The following ACACA variants were observed in gnomAD, a reference collection of about 807,000 sequenced individuals.
The protein encoded by ACACA is acetyl-CoA carboxylase 1.
In ACACA, 103 loss-of-function variants were observed where a neutral mutation model predicts 296.1. The ratio of observed to expected loss-of-function variants is 0.35; its 90% CI spans 0.30 to 0.41. ACACA has a LOEUF of 0.41. ACACA is among the 10% of genes least tolerant of loss of function. The pLI is 1.00. For synonymous variants in ACACA, 953 were observed against 1,038.6 expected (o/e 0.92, Z 1.58); for missense variants, 1,554 against 2,989.7 (o/e 0.52, Z 11.20).
chr17:37,102,065 G>A (rs898339984), intron 52 of ACACA, among the ~76,000 whole-genome samples: 2 of 152,156 alleles, frequency 1.3e-5, no homozygotes, highest in Non-Finnish European at 2.9e-5. Context: ...ACGTTACTGC[G>A]TGCTTTCCCA....
In ACACA at chr17:37,325,579, CTTTTTTTTTTTTTTT is replaced by C. The variant is rs1156553256; in HGVS notation, c.338+4579_338+4593del. On this transcript the variant is annotated intron_variant, in intron 3 of 55. Coordinates refer to ENST00000616317, the MANE Select transcript of ACACA (RefSeq NM_198834.3). ...CTTAGGGTCTTATTTTCTTTTCTTT[CTTTTTTTTTTTTTTT>C]TTTTTTTTTTGCTCTGTTGCCCAGG... Among the ~76,000 whole-genome samples the C allele has an allele frequency of 1.0e-3, 70 of 67,936 alleles. 1 individual carries two copies. The highest frequency in any genetic ancestry group is 1.4e-3 in the Non-Finnish European group (57 of 39,738). 44.6% of individuals were successfully genotyped at this position (67,936 alleles called of 152,430 possible).
intron 1 of ACACA, among the ~76,000 whole-genome samples, chr17:37,364,245 C>T (rs1355221417): frequency 4.6e-5 from 7 of 151,952 alleles, no homozygotes; most frequent in African/African-American, 9.7e-5. Context: ...TGCAGTGAGC[C>T]GAGATTGCAC....
chr17:37,256,947 A>AAATGTTTGATACAAGGC (rs2081256567), intron 14 of ACACA, among the ~76,000 whole-genome samples: 3 of 152,216 alleles, frequency 2.0e-5, no homozygotes, highest in Admixed American at 2.0e-4. Flanking sequence ...ATAAACCATT[A>AAATGTTTGATACAAGGC]AAAAACAGAA....
At position 37,235,111 on chromosome 17, in the gene ACACA, G is replaced by A; in HGVS notation, c.3122-12C>T. 6.2e-7 allele frequency: 1 copy of A among 1,612,942 alleles called. No homozygotes were observed. Among genetic ancestry groups the A allele is most frequent in the Non-Finnish European group, 8.5e-7 (1 of 1,179,840 alleles). On this transcript the variant is annotated splice_polypyrimidine_tract_variant and intron_variant, in intron 24 of 55. Transcript: ENST00000616317. Reference sequence around the variant, plus strand: ...TTTGTCATAGTGACCTGCACACCATGAAAAGAACTGGTTCTCACCCATGTA... The same window carrying A: ...TTTGTCATAGTGACCTGCACACCATAAAAAGAACTGGTTCTCACCCATGTA...
At chr17:37,169,922 G>A (rs1271960678) in intron 41 of ACACA, among the ~76,000 whole-genome samples, 1 of 152,118 alleles carries the variant, frequency 6.6e-6, no homozygotes, top group African/African-American at 2.4e-5. Flanking sequence ...AAGTGGGTGG[G>A]TTTATGGTCT....
chr17:37,267,470 G>A (rs138631314), intron 10 of ACACA, among the ~76,000 whole-genome samples: 3 of 152,262 alleles, frequency 2.0e-5, no homozygotes, highest in African/African-American at 7.2e-5. Flanking sequence ...CAAAACCATT[G>A]CAAATAATTT....
chr17:37,115,530 T>C (rs1375274428), intron 50 of ACACA, among the ~76,000 whole-genome samples: 2 of 152,172 alleles, frequency 1.3e-5, no homozygotes, highest in Non-Finnish European at 2.9e-5. Flanking sequence ...TAGAGGTAAG[T>C]GAAGACAAAG....
intron 1 of ACACA, among the ~76,000 whole-genome samples, chr17:37,395,668 A>C (rs2051056265): frequency 6.6e-6 from 1 of 151,908 alleles, no homozygotes; most frequent in Non-Finnish European, 1.5e-5. Context: ...TCAGCCTCCC[A>C]AGTAGCTGGG....
intron 1 of ACACA, among the ~76,000 whole-genome samples, chr17:37,370,725 G>A (rs1306705888): frequency 1.3e-5 from 2 of 151,848 alleles, no homozygotes; most frequent in Non-Finnish European, 2.9e-5. Context: ...ACTCATCCCT[G>A]TAATCCCTGC....
At chr17:37,227,513 A>C (rs1357071866) in intron 25 of ACACA, among the ~76,000 whole-genome samples, 1 of 152,128 alleles carries the variant, frequency 6.6e-6, no homozygotes, top group Non-Finnish European at 1.5e-5. Flanking sequence ...GGAGTTCAAG[A>C]CCAGCCTAGG....
chr17:37,095,163 C>G (rs895487413), intron 54 of ACACA, among the ~76,000 whole-genome samples: 20 of 152,222 alleles, frequency 1.3e-4, no homozygotes, highest in African/African-American at 4.6e-4. Flanking sequence ...GGTAGGGAGG[C>G]AGTGCAGGCC....
At chr17:37,296,955 G>T (rs1377092450) in intron 3 of ACACA, among the ~76,000 whole-genome samples, 1 of 150,736 alleles carries the variant, frequency 6.6e-6, no homozygotes, top group Non-Finnish European at 1.5e-5. Context: ...GGCCTCAGGT[G>T]ATCTGCCCGC....
At chr17:37,294,898 T>C (rs918767895) in intron 3 of ACACA, among the ~76,000 whole-genome samples, 10 of 152,204 alleles carry the variant, frequency 6.6e-5, no homozygotes, top group African/African-American at 2.4e-4. Flanking sequence ...TCAGAGGCAA[T>C]GGCCTACTAT....
At position 37,206,840 on chromosome 17, in the gene ACACA, T is replaced by C. The variant is rs2078523039; in HGVS notation, c.3891A>G (p.Pro1297=). 1.2e-6 allele frequency: 2 copies of C among 1,613,650 alleles called. No homozygotes were observed. Among genetic ancestry groups the C allele is most frequent in the East Asian group, 2.2e-5 (1 of 44,884 alleles). The change falls in exon 32 of 56, where the codon CCA becomes CCG. Residue 1297 remains proline, a synonymous_variant. Transcript: ENST00000616317. The stretch of plus-strand genomic sequence containing the variant: ...CCTCAGGGAATGTGGGACTCTGGGG[T>C]GGGGAGTCAGAGAAGCAGCCCATCA... ...DEVMGCFSDS[P]PQSPTFPEAG... is the part of the protein sequence containing the mutation.
Position 37,390,330 on chromosome 17 carries a change from A to ATATATATATATATATATATATATATC in ACACA, c.38+15931_38+15932insGATATATATATATATATATATATATA, listed in dbSNP as rs1386032855. ...TATATATATATATATATATATATAT[A>ATATATATATATATATATATATATATC]TATAAAAGGCCAGCTGGGCCGGGCA... is the stretch of plus-strand genomic sequence containing the variant. On this transcript the variant is annotated intron_variant, in intron 1 of 55. Coordinates refer to ENST00000616317, the MANE Select transcript of ACACA (RefSeq NM_198834.3). Among the ~76,000 whole-genome samples the ATATATATATATATATATATATATATC allele has an allele frequency of 2.0e-3, 82 of 41,454 alleles. 2 individuals are homozygous for ATATATATATATATATATATATATATC. Among genetic ancestry groups the ATATATATATATATATATATATATATC allele is most frequent in the Admixed American group, 3.0e-3 (6 of 1,994 alleles). The allele number at this position is 41,454 out of a possible 152,430, so 27.2% of individuals were successfully genotyped here. A position where few individuals can be genotyped will look rare whatever the true frequency, so the allele number is the denominator to read the frequency against.
intron 1 of ACACA, among the ~76,000 whole-genome samples, chr17:37,399,269 C>A (rs1376609077): frequency 1.3e-5 from 2 of 152,150 alleles, no homozygotes; most frequent in Non-Finnish European, 2.9e-5. Flanking sequence ...GCATGAGCCA[C>A]CGCACCAGGC....
chr17:37,291,226 A>G (rs1049635308), intron 3 of ACACA, among the ~76,000 whole-genome samples: 2 of 148,910 alleles, frequency 1.3e-5, no homozygotes, highest in Non-Finnish European at 3.0e-5. Flanking sequence ...CCCAGGCTGG[A>G]GTACAATGGT....
chr17:37,172,351 C>T (rs2076914027), intron 41 of ACACA, among the ~76,000 whole-genome samples: 1 of 152,072 alleles, frequency 6.6e-6, no homozygotes, highest in African/African-American at 2.4e-5. Flanking sequence ...GAGAAATCTC[C>T]AACACCAATA....
At chr17:37,204,887 G>A (rs911143073) in intron 33 of ACACA, among the ~76,000 whole-genome samples, 1 of 152,154 alleles carries the variant, frequency 6.6e-6, no homozygotes, top group African/African-American at 2.4e-5. Context: ...AAAATAACAT[G>A]GTAAGAGCAC....
Sources: allele counts gnomAD v4.1 joint callset (sites outside exome capture counted in the v4.1 genomes callset), GRCh38; gene constraint gnomAD v4.1.1; transcripts MANE v1.5; gene names NCBI Gene and HGNC (gene_info 2026-07-23, HGNC 2026-07-21).